Variants in PIEZO1 observed in about 807,000 individuals in gnomAD.
PIEZO1 encodes piezo-type mechanosensitive ion channel component 1.
PIEZO1 carries 296 observed loss-of-function variants against 297.2 expected under a neutral mutation model. The observed-to-expected ratio is 1.00, with a 90% CI of 0.91 to 1.10. The LOEUF (loss-of-function observed/expected upper bound fraction) is 1.10, where lower values mean the gene tolerates loss of function less well. Among genes scored for constraint, PIEZO1 ranks in the 50% least tolerant of loss-of-function variants. The pLI is 0.00. For synonymous variants in PIEZO1, 2,427 were observed against 1,507.5 expected (o/e 1.61, Z -14.13); for missense variants, 5,018 against 3,455.5 (o/e 1.45, Z -11.34).
At chr16:88,733,005 C>T (rs750726683) in intron 19 of PIEZO1, 3 of 582,108 alleles carry the variant, frequency 5.2e-6, no homozygotes, top group African/African-American at 1.9e-5. Flanking sequence ...GACTGTCTCT[C>T]CCTGTCCAGG....
chr16:88,717,098 C>G lies in PIEZO1; in HGVS notation c.6585G>C (p.Ser2195=), dbSNP rs146375771. ...CAACCCCAACCACGGAGCGCACCAG[C>G]GACATGAAGAGCAGTGGGAACCAGA... ...AIIWFPLLFM[S]LVRSVVGVVN... is the part of the protein sequence containing the mutation. Residue 2195 remains serine (S), a synonymous_variant, in exon 45 of 51, where the codon TCG becomes TCC. Coordinates refer to ENST00000301015, the MANE Select transcript of PIEZO1 (RefSeq NM_001142864.4). The G allele has an allele frequency of 2.2e-5, 34 of 1,551,118 alleles. No homozygotes were observed. The East Asian group carries it at 7.8e-4, about 36-fold the overall frequency.
intron 1 of PIEZO1, among the ~76,000 whole-genome samples, chr16:88,750,143 T>G (rs1906311728): frequency 6.6e-6 from 1 of 151,780 alleles, no homozygotes; most frequent in East Asian, 1.9e-4. Flanking sequence ...AAGACCAGCC[T>G]GGCCAATATG....
In PIEZO1 at chr16:88,780,886, G is replaced by A. The variant is rs79048571; in HGVS notation, c.64+4015C>T. On this transcript the variant is annotated intron_variant, in intron 1 of 50. Coordinates refer to ENST00000301015, the MANE Select transcript of PIEZO1 (RefSeq NM_001142864.4). ...GCAGGAGGATGGCTTGAGCCCTGGAGGCTGAAGTTGTAGGGAGCCAAAATC... is the reference window on the plus strand; with the variant it reads ...GCAGGAGGATGGCTTGAGCCCTGGAAGCTGAAGTTGTAGGGAGCCAAAATC... Among the ~76,000 whole-genome samples the A allele has an allele frequency of 7.9e-5, 12 of 152,374 alleles. No homozygotes were observed. The East Asian group carries it at 2.3e-3, about 29-fold the overall frequency.
intron 5 of PIEZO1, chr16:88,741,119 G>A (rs537569158): frequency 6.2e-5 from 11 of 176,358 alleles, no homozygotes; most frequent in African/African-American, 1.7e-4. Flanking sequence ...TGCTGGGGCC[G>A]CCCCTTCTCA....
intron 30 of PIEZO1, among the ~76,000 whole-genome samples, chr16:88,724,806 T>G (rs1261664175): frequency 6.6e-6 from 1 of 152,014 alleles, no homozygotes; most frequent in Admixed American, 6.5e-5. Flanking sequence ...TTGGAAGGGC[T>G]GGGGCATAGC....
chr16:88,723,422 T>C, intron 31 of PIEZO1, 94 bp from the exon 32 acceptor site: 1 of 1,402,130 alleles, frequency 7.1e-7, no homozygotes, highest in Non-Finnish European at 9.7e-7. Context: ...CAGATCCAGA[T>C]CCCTGCTCTG....
At chr16:88,730,625 T>A (rs950998175) in intron 22 of PIEZO1, among the ~76,000 whole-genome samples, 3 of 148,388 alleles carry the variant, frequency 2.0e-5, no homozygotes, top group Non-Finnish European at 4.4e-5. Context: ...AAAAAAGGGT[T>A]CTTGCTATGT....
chr16:88,719,384 C>G, intron 44 of PIEZO1, 190 bp downstream of exon 44: 1 of 602,082 alleles, frequency 1.7e-6, no homozygotes, highest in Non-Finnish European at 2.9e-6. Flanking sequence ...CTGCGCCCAG[C>G]ACTCACTCGC....
Position 88,749,508 on chromosome 16 carries a change from G to T in PIEZO1, c.65-29C>A, listed in dbSNP as rs371640000. The T allele has an allele frequency of 1.3e-4, 192 of 1,483,222 alleles. No individual in the cohort carries two copies. The African/African-American group carries it at 2.4e-3, about 18-fold the overall frequency. The allele number at this position is 1,483,222 out of a possible 1,614,324, so 91.9% of individuals were successfully genotyped here. A position where few individuals can be genotyped will look rare whatever the true frequency, so the allele number is the denominator to read the frequency against. Reference sequence around the variant, plus strand: ...CGGGGAGATGGGCGTTAACTAGGTCGCCAACAGAGGATGGCCAGCCCCACC... The same window carrying T: ...CGGGGAGATGGGCGTTAACTAGGTCTCCAACAGAGGATGGCCAGCCCCACC... On this transcript the variant is annotated intron_variant, in intron 1 of 50. Coordinates refer to ENST00000301015, the MANE Select transcript of PIEZO1 (RefSeq NM_001142864.4).
chr16:88,717,613 A>C (rs1011913155), intron 44 of PIEZO1: 1 of 463,356 alleles, frequency 2.2e-6, no homozygotes, highest in Non-Finnish European at 4.3e-6. Flanking sequence ...AATCTTCATG[A>C]ACCTGGATTT....
At chr16:88,728,277 G>C (rs139241264) in intron 22 of PIEZO1, among the ~76,000 whole-genome samples, 2,592 of 152,392 alleles carry the variant, frequency 0.017, 71 homozygotes, top group African/African-American at 0.057. Flanking sequence ...CCTGGGAGGC[G>C]TGTGAGGCAG....
chr16:88,732,050 C>G (rs1197021325), intron 21 of PIEZO1, 140 bp from the exon 22 acceptor site: 1 of 168,968 alleles, frequency 5.9e-6, no homozygotes, highest in Non-Finnish European at 1.1e-5. Flanking sequence ...GCCAGCGGCG[C>G]TGTCAAGAGG....
In PIEZO1 at chr16:88,715,728, G is replaced by T; in HGVS notation, c.7443C>A (p.Cys2481Ter). 2 of 1,550,482 alleles carry T rather than the reference G, an allele frequency of 1.3e-6. No individual in the cohort carries two copies. Among genetic ancestry groups the T allele is most frequent in the Non-Finnish European group, 1.7e-6 (2 of 1,146,992 alleles). The change falls in exon 51 of 51, where the codon TGC becomes TGA. Residue 2481 changes from cysteine (C) to a stop codon, truncating the protein, a stop_gained. Coordinates refer to ENST00000301015, the MANE Select transcript of PIEZO1 (RefSeq NM_001142864.4). LOFTEE classifies it high-confidence loss of function. ...LPCVDRILKLCQDIFLVRETR... is the reference protein window; with the variant it reads ...LPCVDRILKL ...TCTCCCGCACCAGGAAGATGTCCTG[G>T]CAGAGCTTGAGGATGCGGTCCACGC...
At chr16:88,743,402 G>T in intron 2 of PIEZO1, 1 of 445,476 alleles carries the variant, frequency 2.2e-6, no homozygotes, top group South Asian at 1.6e-5. Flanking sequence ...CCCTGGGGCA[G>T]CAACTCCTGC....
At chr16:88,768,312 C>T (rs953110223) in intron 1 of PIEZO1, among the ~76,000 whole-genome samples, 15 of 152,178 alleles carry the variant, frequency 9.9e-5, no homozygotes, top group Non-Finnish European at 1.8e-4. Flanking sequence ...CACGGCAGGC[C>T]GGCTCCAAGA....
rs780507176 is a variant in PIEZO1, at chr16:88,716,422, G to T, written c.6988C>A (p.Pro2330Thr). Residue 2330 changes from proline to threonine, a missense_variant, in exon 48 of 51, where the codon CCC becomes ACC. Coordinates refer to ENST00000301015, the MANE Select transcript of PIEZO1 (RefSeq NM_001142864.4). ...AGCTGCCGCCGTGCAGTGCTGTTGG[G>T]GGCCAGGGCCAGCATGTGCTTCTCG... is the stretch of plus-strand genomic sequence containing the variant. ...ANEKHMLALA[P>T]NSTARRQLAS... is the part of the protein sequence containing the mutation. 62 of 1,549,644 alleles carry T rather than the reference G, an allele frequency of 4.0e-5. No individual in the cohort carries two copies. The highest frequency in any genetic ancestry group is 5.1e-5 in the Non-Finnish European group (58 of 1,146,674).
At chr16:88,780,593 G>A (rs1907885806) in intron 1 of PIEZO1, among the ~76,000 whole-genome samples, 1 of 152,228 alleles carries the variant, frequency 6.6e-6, no homozygotes, top group Non-Finnish European at 1.5e-5. Context: ...TGTGAGCTAG[G>A]ATTCTCTACC....
At chr16:88,716,305 C>G (rs1365112847) in intron 48 of PIEZO1, 28 bp from the exon 49 acceptor site, 10 of 1,495,174 alleles carry the variant, frequency 6.7e-6, no homozygotes, top group African/African-American at 2.8e-5. Flanking sequence ...CAGGTCAGGC[C>G]TGGCCCAGCC....
chr16:88,760,977 C>T (rs1267290299), intron 1 of PIEZO1, among the ~76,000 whole-genome samples: 2 of 152,190 alleles, frequency 1.3e-5, no homozygotes, highest in African/African-American at 4.8e-5. Flanking sequence ...TGGGCACCCA[C>T]CGCACCTGCC....
Sources: allele counts gnomAD v4.1 joint callset (sites outside exome capture counted in the v4.1 genomes callset), GRCh38; gene constraint gnomAD v4.1.1; transcripts MANE v1.5; gene names NCBI Gene and HGNC (gene_info 2026-07-23, HGNC 2026-07-21).